The following CPE variants were observed in gnomAD, a reference collection of about 807,000 sequenced individuals.
CPE encodes carbocypeptidase E.
A neutral mutation model predicts 53.5 loss-of-function variants in CPE; 17 were observed. That is an observed-to-expected ratio of 0.32 (90% CI 0.22 to 0.48). The LOEUF is 0.48. Ranked by LOEUF, CPE falls within the 20% of genes least tolerant of loss-of-function variation. The probability of loss-of-function intolerance (pLI) is 0.99; values close to 1 mark genes in which losing one functional copy is unlikely to be tolerated. For synonymous variants in CPE, 226 were observed against 228.8 expected (o/e 0.99, Z 0.11); for missense variants, 524 against 614.7 (o/e 0.85, Z 1.56).
chr4:165,417,057 C>T (rs963622105), intron 1 of CPE, among the ~76,000 whole-genome samples: 1 of 151,832 alleles, frequency 6.6e-6, no homozygotes, highest in Non-Finnish European at 1.5e-5. Context: ...ACAAAAGATG[C>T]AAATAAACCA....
At chr4:165,477,554 A>G (rs1270405041) in intron 3 of CPE, among the ~76,000 whole-genome samples, 2 of 152,118 alleles carry the variant, frequency 1.3e-5, no homozygotes, top group Non-Finnish European at 2.9e-5. Context: ...GCAGTTCATT[A>G]ATGTTATTAT....
intron 1 of CPE, among the ~76,000 whole-genome samples, chr4:165,416,483 AG>A (rs1731125239): frequency 6.6e-6 from 1 of 152,108 alleles, no homozygotes; most frequent in Admixed American, 6.6e-5. Context: ...TGGAGGCTTT[AG>A]GGTAACACAG....
At position 165,379,378 on chromosome 4, in the gene CPE, T is replaced by G. The variant is rs1188407745; in HGVS notation, c.157T>G (p.Tyr53Asp). 1.2e-6 allele frequency: 2 copies of G among 1,606,430 alleles called. No homozygotes were observed. Among genetic ancestry groups the G allele is most frequent in the African/African-American group, 2.7e-5 (2 of 74,804 alleles). ...GCAAGAGGACGGCATCTCCTTCGAG[T>G]ACCACCGCTACCCCGAGCTGCGCGA... ...LQQEDGISFE[Y>D]HRYPELREAL... The change falls in exon 1 of 9, where the codon TAC (tyrosine) becomes GAC (aspartate). Residue 53 changes from tyrosine to aspartate, a missense_variant. Tyr to Asp is a radical substitution (Grantham distance 160). Transcript: ENST00000402744. This position sits in a 1 kb window ranked among gnomAD's most constrained non-coding sequence, Gnocchi z 6.0.
rs544983845 is a variant in CPE at position 165,430,050 on chromosome 4, A to T, written c.308-34340A>T. 8.7e-4 allele frequency among the ~76,000 whole-genome samples: 132 copies of T among 151,946 alleles called. 4 individuals carry two copies. In the South Asian group the frequency reaches 0.025, roughly 29 times the overall value. Reference sequence around the variant, plus strand: ...GAAAGCTGAATGGAAATATCAAAAAATAAAAATAAAAATAATGCCCTTATT... The same window carrying T: ...GAAAGCTGAATGGAAATATCAAAAATTAAAAATAAAAATAATGCCCTTATT... On this transcript the variant is annotated intron_variant, in intron 1 of 8. Coordinates refer to ENST00000402744, the MANE Select transcript of CPE (RefSeq NM_001873.4).
chr4:165,452,588 T>G (rs539820721), intron 1 of CPE, among the ~76,000 whole-genome samples: 1 of 151,892 alleles, frequency 6.6e-6, no homozygotes, highest in Admixed American at 6.6e-5. Flanking sequence ...GTTTTTTGGG[T>G]TTTTTTTGCA....
chr4:165,396,265 A>AC (rs111295417), intron 1 of CPE, among the ~76,000 whole-genome samples: 25,825 of 152,108 alleles, frequency 0.17, 2,334 homozygotes, highest in African/African-American at 0.23. Flanking sequence ...TGTTGGTATG[A>AC]CCCACCATGC....
intron 7 of CPE, 30 bp downstream of exon 7, chr4:165,493,300 C>T (rs985622337): frequency 2.1e-5 from 30 of 1,427,818 alleles, no homozygotes; most frequent in Non-Finnish European, 2.9e-5. Flanking sequence ...GGAGGCTCTA[C>T]GTTATGTACA....
At chr4:165,467,998 G>A in intron 3 of CPE, 143 bp downstream of exon 3, 1 of 931,986 alleles carries the variant, frequency 1.1e-6, no homozygotes, top group Middle Eastern at 3.5e-4. Flanking sequence ...AAGGCTGGAA[G>A]GGCTGGTGCC....
At chr4:165,405,560 G>A (rs768806305) in intron 1 of CPE, 5 of 917,108 alleles carry the variant, frequency 5.5e-6, no homozygotes, top group Admixed American at 1.7e-5. Context: ...CATGGCATAC[G>A]CTGTTAATTT....
chr4:165,386,257 C>T (rs1054112523), intron 1 of CPE: 1 of 522,642 alleles, frequency 1.9e-6, no homozygotes, highest in South Asian at 1.4e-5. Flanking sequence ...AATCTATAGA[C>T]AAAATACAAT....
At chr4:165,411,468 T>C (rs1731040987) in intron 1 of CPE, among the ~76,000 whole-genome samples, 1 of 152,182 alleles carries the variant, frequency 6.6e-6, no homozygotes, top group African/African-American at 2.4e-5. Flanking sequence ...TCTACACAGT[T>C]GGTAAATCAG....
intron 1 of CPE, among the ~76,000 whole-genome samples, chr4:165,460,271 T>C (rs2126697824): frequency 6.6e-6 from 1 of 152,304 alleles, no homozygotes; most frequent in South Asian, 2.1e-4. Flanking sequence ...AGAGGGCCAT[T>C]CAAAATCTAA....
intron 1 of CPE, among the ~76,000 whole-genome samples, chr4:165,444,223 T>G (rs1364384869): frequency 2.0e-5 from 3 of 152,130 alleles, no homozygotes; most frequent in African/African-American, 7.2e-5. Flanking sequence ...TGGAGTAACC[T>G]TGCCCAAAGT....
chr4:165,487,224 AGGAACCT>A (rs939240563), intron 5 of CPE, among the ~76,000 whole-genome samples: 1 of 152,194 alleles, frequency 6.6e-6, no homozygotes, highest in African/African-American at 2.4e-5. Context: ...GCTTTTGCTT[AGGAACCT>A]GAGAGTTTGT....
chr4:165,487,654 G>T (rs913802275), intron 6 of CPE, 77 bp downstream of exon 6: 11 of 1,509,222 alleles, frequency 7.3e-6, no homozygotes, highest in Admixed American at 1.9e-5. Flanking sequence ...TGTAAGAGGA[G>T]TCCAGGAGAA....
At chr4:165,493,668 C>A (rs2126718146) in intron 7 of CPE, among the ~76,000 whole-genome samples, 1 of 152,190 alleles carries the variant, frequency 6.6e-6, no homozygotes, top group African/African-American at 2.4e-5. Context: ...AAGGAGGGAG[C>A]GGAAAGAGGA....
intron 1 of CPE, among the ~76,000 whole-genome samples, chr4:165,452,963 T>A (rs1373603526): frequency 6.6e-6 from 1 of 152,274 alleles, no homozygotes; most frequent in East Asian, 1.9e-4. Context: ...GCGCTATAAG[T>A]CAGCACAATT....
intron 1 of CPE, among the ~76,000 whole-genome samples, chr4:165,395,219 CTG>C (rs1369904426): frequency 6.6e-6 from 1 of 152,144 alleles, no homozygotes; most frequent in Non-Finnish European, 1.5e-5. Context: ...AATGAAAAGA[CTG>C]GAGATAATTT....
chr4:165,440,730 C>T (rs1731594608), intron 1 of CPE, among the ~76,000 whole-genome samples: 1 of 151,992 alleles, frequency 6.6e-6, no homozygotes. Context: ...GCCCCTATGT[C>T]ACCGATTTGG....
Sources: gnomAD v4.1 joint callset for allele counts (sites outside exome capture counted in the v4.1 genomes callset) on GRCh38, gnomAD v4.1.1 for gene constraint, Gnocchi (gnomAD v3.1) non-coding constraint, MANE v1.5 for transcripts, NCBI Gene and HGNC (gene_info 2026-07-23, HGNC 2026-07-21) for gene names.